Variants in ZCCHC14 observed in about 807,000 individuals in gnomAD.
ZCCHC14 encodes the protein zinc finger CCHC domain-containing protein 14.
ZCCHC14 carries 16 observed loss-of-function variants against 85.0 expected under a neutral mutation model. The ratio of observed to expected loss-of-function variants is 0.19; its 90% CI spans 0.13 to 0.29. The LOEUF (loss-of-function observed/expected upper bound fraction) is 0.29, where lower values mean the gene tolerates loss of function less well. ZCCHC14 is among the 10% of genes least tolerant of loss of function. The pLI is 1.00. For missense variants in ZCCHC14, 1,303 were observed against 1,443.5 expected (o/e 0.90, Z 1.58); for synonymous variants, 775 against 630.7 (o/e 1.23, Z -3.43).
intron 4 of ZCCHC14, among the ~76,000 whole-genome samples, chr16:87,423,377 G>A (rs528541864): frequency 2.0e-5 from 3 of 152,030 alleles, no homozygotes; most frequent in African/African-American, 7.3e-5. Flanking sequence ...GCAAGATCCA[G>A]TCTCTTAAAA....
chr16:87,476,302 G>A (rs1223483407), intron 1 of ZCCHC14, among the ~76,000 whole-genome samples: 6 of 152,140 alleles, frequency 3.9e-5, no homozygotes, highest in African/African-American at 1.4e-4. Context: ...AATAGACCTG[G>A]TTCCACTTAG....
At chr16:87,471,734 G>C (rs994610592) in intron 1 of ZCCHC14, 2 of 152,206 alleles carry the variant, frequency 1.3e-5, no homozygotes, top group East Asian at 1.9e-4. Flanking sequence ...GAAACAGAGG[G>C]AGTCTAAAGT....
In ZCCHC14 at chr16:87,418,887, A is replaced by G. The variant is rs773739132; in HGVS notation, c.1060T>C (p.Ser354Pro). 14 of 1,612,686 alleles carry G rather than the reference A, an allele frequency of 8.7e-6. No homozygotes were observed. The highest frequency in any genetic ancestry group is 1.2e-5 in the Non-Finnish European group (14 of 1,178,984). Reference sequence around the variant, plus strand: ...ATCACGGTACCTACTTTAGAAAGGGAGGGATTGCCAGGACCTATAAATTTA... The same window carrying G: ...ATCACGGTACCTACTTTAGAAAGGGGGGGATTGCCAGGACCTATAAATTTA... The part of the protein sequence containing the change: ...QLQSPSPGNP[S>P]LSKVGTVMGV... The change falls in exon 7 of 13, where the codon TCC becomes CCC. Residue 354 changes from serine (S) to proline (P), a missense_variant. Physicochemically the swap from Ser to Pro is moderately conservative, Grantham distance 74. Coordinates refer to ENST00000671377, the MANE Select transcript of ZCCHC14 (RefSeq NM_015144.3).
At chr16:87,449,376 G>C (rs985527904) in intron 2 of ZCCHC14, among the ~76,000 whole-genome samples, 6 of 152,196 alleles carry the variant, frequency 3.9e-5, no homozygotes, top group African/African-American at 1.4e-4. Flanking sequence ...AGAGGGTGAG[G>C]GGCACAGCAC....
chr16:87,419,590 T>C (rs1452548663), intron 6 of ZCCHC14, among the ~76,000 whole-genome samples, 193 bp downstream of exon 6: 2 of 152,226 alleles, frequency 1.3e-5, no homozygotes, highest in Non-Finnish European at 2.9e-5. Flanking sequence ...CGTGAGCCAC[T>C]GCGCCCAGCC....
rs3748399 is a variant in ZCCHC14, at chr16:87,411,664, T to G, written c.3057A>C (p.Thr1019=). ...VPPMQNFMAG[T]AGVYQTQGLV... ...GTCCTTGGGTCTGGTACACCCCTGCTGTCCCTGCCATGAAGTTCTGCATGG... is the reference window on the plus strand; with the variant it reads ...GTCCTTGGGTCTGGTACACCCCTGCGGTCCCTGCCATGAAGTTCTGCATGG... The change falls in exon 12 of 13, where the codon ACA becomes ACC. Residue 1019 remains threonine, a synonymous_variant. Coordinates refer to ENST00000671377, the MANE Select transcript of ZCCHC14 (RefSeq NM_015144.3). 1 of 1,614,028 alleles carries G rather than the reference T, an allele frequency of 6.2e-7. No homozygotes were observed. The highest frequency in any genetic ancestry group is 1.1e-5 in the South Asian group (1 of 91,086).
At chr16:87,466,617 G>A (rs747459704) in intron 1 of ZCCHC14, among the ~76,000 whole-genome samples, 1 of 140,412 alleles carries the variant, frequency 7.1e-6, no homozygotes, top group Non-Finnish European at 1.5e-5. Context: ...TGGGCTCCTC[G>A]AACAGAGTCT....
rs138026082 is a variant in ZCCHC14 at position 87,457,230 on chromosome 16, G to T, written c.694+2778C>A. Among the ~76,000 whole-genome samples the T allele has an allele frequency of 2.0e-3, 308 of 152,300 alleles. 9 individuals are homozygous for T. Among genetic ancestry groups the T allele is most frequent in the Non-Finnish European group, 4.4e-4 (30 of 68,020 alleles). On this transcript the variant is annotated intron_variant, in intron 2 of 12. Coordinates refer to ENST00000671377, the MANE Select transcript of ZCCHC14 (RefSeq NM_015144.3). ...ACAATAAATAGGTCAGGAAAAAAAG[G>T]AATGATTTCACTGGTTAATGTGTAC...
intron 3 of ZCCHC14, among the ~76,000 whole-genome samples, chr16:87,426,611 T>C (rs1313234197): frequency 6.6e-6 from 1 of 152,158 alleles, no homozygotes; most frequent in Non-Finnish European, 1.5e-5. Flanking sequence ...ACTGGAGCCA[T>C]GCGGCCTCAT....
chr16:87,422,052 GATGT>G (rs1909127064), intron 4 of ZCCHC14, among the ~76,000 whole-genome samples: 1 of 152,184 alleles, frequency 6.6e-6, no homozygotes, highest in Non-Finnish European at 1.5e-5. Context: ...AGCTATGATG[GATGT>G]ACTAAAGGAC....
chr16:87,421,923 G>C (rs187415036), intron 4 of ZCCHC14, among the ~76,000 whole-genome samples: 2 of 150,668 alleles, frequency 1.3e-5, no homozygotes, highest in Non-Finnish European at 3.0e-5. Flanking sequence ...ACATTTGCAA[G>C]ACATACCAAA....
intron 2 of ZCCHC14, among the ~76,000 whole-genome samples, chr16:87,451,908 C>G (rs970689073): frequency 1.3e-5 from 2 of 152,258 alleles, no homozygotes; most frequent in African/African-American, 2.4e-5. Context: ...TTCTAGCTCA[C>G]GAGCCTGGGC....
chr16:87,449,358 C>G (rs1174308729), intron 2 of ZCCHC14, among the ~76,000 whole-genome samples: 2 of 151,944 alleles, frequency 1.3e-5, no homozygotes, highest in Admixed American at 1.3e-4. Flanking sequence ...GGGATAGATG[C>G]AGGGAAGAGA....
chr16:87,491,850 T>C lies in ZCCHC14; in HGVS notation c.389A>G (p.Asp130Gly). 6.4e-7 allele frequency: 1 copy of C among 1,573,458 alleles called. No homozygotes were observed. Among genetic ancestry groups the C allele is most frequent in the Non-Finnish European group, 8.6e-7 (1 of 1,165,516 alleles). ...CATGGTGAACAGCAGCAGGAACTCA[T>C]CGCCCGTGCGGCCCTCGTTAAGCTG... ...GLQLNEGRTGDEFLLLFTMAS... is the reference protein window; with the variant it reads ...GLQLNEGRTGGEFLLLFTMAS... Residue 130 changes from aspartate (D) to glycine (G), a missense_variant, in exon 1 of 13, where the codon GAT becomes GGT. Physicochemically the swap from Asp to Gly is moderately conservative, Grantham distance 94. Around this residue, in one of 7 missense-constraint regions of ZCCHC14, gnomAD observed 389 missense variants for 397.8 expected, o/e 0.98. Coordinates refer to ENST00000671377, the MANE Select transcript of ZCCHC14 (RefSeq NM_015144.3). The surrounding 1 kb of genome is among the most constrained non-coding windows in gnomAD (Gnocchi z 5.9).
At chr16:87,415,417 CTG>C in intron 8 of ZCCHC14, 50 bp from the exon 9 acceptor site, 1 of 1,523,728 alleles carries the variant, frequency 6.6e-7, no homozygotes, top group Non-Finnish European at 9.0e-7. Flanking sequence ...AAGTAGGACT[CTG>C]AGAACAAAGA....
intron 12 of ZCCHC14, among the ~76,000 whole-genome samples, chr16:87,410,732 A>G (rs1052221633): frequency 6.6e-6 from 1 of 152,196 alleles, no homozygotes; most frequent in African/African-American, 2.4e-5. Flanking sequence ...CCGGGCCCGC[A>G]TGGCAGAGCG....
intron 2 of ZCCHC14, among the ~76,000 whole-genome samples, chr16:87,452,858 C>T (rs1352485310): frequency 2.0e-5 from 3 of 152,166 alleles, no homozygotes; most frequent in Non-Finnish European, 2.9e-5. Context: ...AAAGAAACAG[C>T]GAAGCCCCAT....
Position 87,423,791 on chromosome 16 carries a change from G to C in ZCCHC14, c.840+19C>G. ...AATGTGATTCTTTTAATTTTTATAAGAGCCCTTGATTACCTTACCTTTGAA... is the reference window on the plus strand; with the variant it reads ...AATGTGATTCTTTTAATTTTTATAACAGCCCTTGATTACCTTACCTTTGAA... On this transcript the variant is annotated intron_variant, in intron 4 of 12. Coordinates refer to ENST00000671377, the MANE Select transcript of ZCCHC14 (RefSeq NM_015144.3). The C allele has an allele frequency of 1.2e-6, 2 of 1,611,806 alleles. No individual in the cohort carries two copies. Among genetic ancestry groups the C allele is most frequent in the Non-Finnish European group, 8.5e-7 (1 of 1,178,878 alleles).
rs752669283 is a variant in ZCCHC14, at chr16:87,412,946, T to C, written c.1775A>G (p.Lys592Arg). ...ATTCAGCAGCATCACCGGCTTCTCC[T>C]TGTCAGAGCTCTCCAAGTGAATCTC... ...RVEIHLESSD[K>R]EKPVMLLNHF... Residue 592 changes from lysine (K) to arginine (R), a missense_variant, in exon 12 of 13, where the codon AAG becomes AGG. Transcript: ENST00000671377. 5.0e-6 allele frequency: 8 copies of C among 1,606,860 alleles called. No homozygotes were observed. Among genetic ancestry groups the C allele is most frequent in the Non-Finnish European group, 6.0e-6 (7 of 1,176,130 alleles).
Sources: gnomAD v4.1 joint callset for allele counts (sites outside exome capture counted in the v4.1 genomes callset) on GRCh38, gnomAD v4.1.1 for gene constraint, gnomAD v4.1.1 regional missense constraint, Gnocchi (gnomAD v3.1) non-coding constraint, MANE v1.5 for transcripts, NCBI Gene and HGNC (gene_info 2026-07-23, HGNC 2026-07-21) for gene names.